The following DMXL1 variants were observed in gnomAD, a reference collection of about 807,000 sequenced individuals.
DMXL1 encodes the protein Dmx like 1.
DMXL1 carries 99 observed loss-of-function variants against 319.2 expected under a neutral mutation model. The ratio of observed to expected loss-of-function variants is 0.31; its 90% CI spans 0.26 to 0.37. The LOEUF (loss-of-function observed/expected upper bound fraction) is 0.37, where lower values mean the gene tolerates loss of function less well. Among genes scored for constraint, DMXL1 ranks in the 10% least tolerant of loss-of-function variants. The pLI, the probability that DMXL1 is intolerant of heterozygous loss-of-function variation, is 1.00. For synonymous variants in DMXL1, 1,385 were observed against 1,235.2 expected, an observed-to-expected ratio of 1.12 and a Z score of -2.54; for missense variants, 3,745 against 3,595.6, an observed-to-expected ratio of 1.04 and a Z score of -1.06.
Position 119,129,218 on chromosome 5 carries a change from ACTT to A in DMXL1, c.1115_1117del (p.Leu372del). The stretch of plus-strand genomic sequence containing the variant: ...CTTTTTTTTCTCTTATAGACATTCC[ACTT>A]CTTCCATCTATTACATCTCTGAGTC... On this transcript the variant is annotated inframe_deletion, in exon 10 of 44. Coordinates refer to ENST00000539542, the MANE Select transcript of DMXL1 (RefSeq NM_001290321.3). 6.2e-7 allele frequency: 1 copy of A among 1,603,464 alleles called. No individual in the cohort carries two copies. Among genetic ancestry groups the A allele is most frequent in the Non-Finnish European group, 8.5e-7 (1 of 1,174,526 alleles).
intron 38 of DMXL1, among the ~76,000 whole-genome samples, chr5:119,230,847 A>G (rs1453958541): frequency 6.6e-6 from 1 of 152,184 alleles, no homozygotes; most frequent in Non-Finnish European, 1.5e-5. Context: ...ACACGATTGC[A>G]CTCCAGCCTG....
chr5:119,131,969 T>G (rs1475773560), intron 10 of DMXL1, among the ~76,000 whole-genome samples: 1 of 152,228 alleles, frequency 6.6e-6, no homozygotes, highest in Non-Finnish European at 1.5e-5. Context: ...AAACATAATC[T>G]GAAGAAAAAT....
In DMXL1 at chr5:119,178,799, T is replaced by C. The variant is rs576717740; in HGVS notation, c.7135+555T>C. The C allele has an allele frequency of 6.8e-4, 192 of 282,954 alleles. 2 individuals carry two copies. Among genetic ancestry groups the C allele is most frequent in the Non-Finnish European group, 9.0e-4 (169 of 187,690 alleles). The allele number at this position is 282,954 out of a possible 1,614,324, so 17.5% of individuals were successfully genotyped here. ...TATTTTGTTTGGCATTTATAGAAAA[T>C]TGAGAAGTTTCCTTTGATCAAGCCA... On this transcript the variant is annotated intron_variant, in intron 28 of 43. Coordinates refer to ENST00000539542, the MANE Select transcript of DMXL1 (RefSeq NM_001290321.3).
At chr5:119,131,592 CT>C (rs2150039199) in intron 10 of DMXL1, among the ~76,000 whole-genome samples, 1 of 152,294 alleles carries the variant, frequency 6.6e-6, no homozygotes, top group Admixed American at 6.5e-5. Context: ...CCAATTCCTT[CT>C]TTTTACCATG....
chr5:119,201,528 G>GT (rs542065065), intron 32 of DMXL1, among the ~76,000 whole-genome samples: 2,078 of 151,578 alleles, frequency 0.014, 23 homozygotes, highest in Middle Eastern at 0.065. Flanking sequence ...TTGAAGTTTT[G>GT]TTTTTTTTGT....
At chr5:119,125,025 A>G (rs77524662) in intron 9 of DMXL1, among the ~76,000 whole-genome samples, 3,294 of 152,320 alleles carry the variant, frequency 0.022, 107 homozygotes, top group African/African-American at 0.075. Context: ...ATTATACTGT[A>G]TGACCTAGGA....
In DMXL1 at chr5:119,153,260, G is replaced by C. The variant is rs1163235847; in HGVS notation, c.4702+1224G>C. On this transcript the variant is annotated intron_variant, in intron 19 of 43. Coordinates refer to ENST00000539542, the MANE Select transcript of DMXL1 (RefSeq NM_001290321.3). ...CCAAAGTGCTGGGCATTATGGGCGT[G>C]AGCCATCTTGCCAGGCCAAATTCTC... is the stretch of plus-strand genomic sequence containing the variant. 2.0e-5 allele frequency among the ~76,000 whole-genome samples: 3 copies of C among 152,250 alleles called. No individual in the cohort carries two copies. In the East Asian group the frequency reaches 5.8e-4, roughly 29 times the overall value.
intron 19 of DMXL1, among the ~76,000 whole-genome samples, chr5:119,153,679 ATGACTGGCTTATTTCACT>A (rs1770344708): frequency 6.6e-6 from 1 of 152,194 alleles, no homozygotes; most frequent in Non-Finnish European, 1.5e-5. Flanking sequence ...ATATTTGTCT[ATGACTGGCTTATTTCACT>A]TACTGTAATG....
chr5:119,177,737 C>G (rs1776081731), intron 27 of DMXL1, among the ~76,000 whole-genome samples: 1 of 151,816 alleles, frequency 6.6e-6, no homozygotes, highest in South Asian at 2.1e-4. Flanking sequence ...ACTAGAAAAA[C>G]CCGTCTATGA....
In DMXL1 at chr5:119,149,521, G is replaced by A; in HGVS notation, c.3694G>A (p.Asp1232Asn). The change falls in exon 18 of 44, where the codon GAC becomes AAC. Residue 1232 changes from aspartate to asparagine, a missense_variant. Asp to Asn is a conservative substitution (Grantham distance 23). Coordinates refer to ENST00000539542, the MANE Select transcript of DMXL1 (RefSeq NM_001290321.3). ...GGATGGCATCCTTGTGGTAGGAATG[G>A]ACTGTGAAATGCATGTGTATTGCCA... is the stretch of plus-strand genomic sequence containing the variant. ...VRDGILVVGMDCEMHVYCQWQ... is the reference protein window; with the variant it reads ...VRDGILVVGMNCEMHVYCQWQ... 1 of 1,613,918 alleles carries A rather than the reference G, an allele frequency of 6.2e-7. No individual in the cohort carries two copies. The highest frequency in any genetic ancestry group is 8.5e-7 in the Non-Finnish European group (1 of 1,179,902).
chr5:119,236,959 T>G (rs1787867065), intron 39 of DMXL1: 1 of 152,668 alleles, frequency 6.6e-6, no homozygotes, highest in Admixed American at 6.6e-5. Flanking sequence ...TGAAAATCCT[T>G]ATTTTATCTT....
chr5:119,086,549 G>A (rs150051382), intron 1 of DMXL1, among the ~76,000 whole-genome samples: 1 of 152,148 alleles, frequency 6.6e-6, no homozygotes, highest in Admixed American at 6.5e-5. Context: ...TCAGGATAAT[G>A]CTGGTCTCAT....
At position 119,071,608 on chromosome 5, in the gene DMXL1, T is replaced by C. The variant is rs1298669165; in HGVS notation, c.39T>C (p.Pro13=). 1 of 1,604,862 alleles carries C rather than the reference T, an allele frequency of 6.2e-7. No individual in the cohort carries two copies. Among genetic ancestry groups the C allele is most frequent in the East Asian group, 2.3e-5 (1 of 44,394 alleles). Residue 13 remains proline, a synonymous_variant, in exon 1 of 44, where the codon CCT becomes CCC. Coordinates refer to ENST00000539542, the MANE Select transcript of DMXL1 (RefSeq NM_001290321.3). ...LHQVLTGAVN[P]GDHCFSVGSI... is the part of the protein sequence containing the mutation. ...AGGTGCTGACCGGGGCTGTGAACCC[T>C]GGCGACCACTGCTTCTCCGTGGGCA...
chr5:119,158,869 T>G (rs1210249795), intron 19 of DMXL1, among the ~76,000 whole-genome samples: 1 of 152,244 alleles, frequency 6.6e-6, no homozygotes, highest in Non-Finnish European at 1.5e-5. Context: ...TTTATTGTGC[T>G]GTTAATTTGG....
At chr5:119,097,621 G>A (rs564815087) in intron 1 of DMXL1, among the ~76,000 whole-genome samples, 22 of 152,304 alleles carry the variant, frequency 1.4e-4, no homozygotes, top group African/African-American at 4.8e-4. Context: ...GGAAATTGAG[G>A]CAGGAGAATG....
Position 119,203,423 on chromosome 5 carries a change from G to T in DMXL1, c.7850G>T (p.Arg2617Leu), listed in dbSNP as rs375258600. 6.3e-7 allele frequency: 1 copy of T among 1,596,398 alleles called. No homozygotes were observed. The highest frequency in any genetic ancestry group is 8.5e-7 in the Non-Finnish European group (1 of 1,170,554). ...TFIKNIFTKK[R>L]CLNESLEDNS... The stretch of plus-strand genomic sequence containing the variant: ...ATCAAAAATATATTCACAAAGAAAC[G>T]GTGTCTAAATGAGGTCTGTATAAGT... Residue 2617 changes from arginine to leucine, a missense_variant, in exon 33 of 44, where the codon CGG (arginine) becomes CTG (leucine). Coordinates refer to ENST00000539542, the MANE Select transcript of DMXL1 (RefSeq NM_001290321.3).
At chr5:119,128,972 G>A (rs1764208244) in intron 9 of DMXL1, among the ~76,000 whole-genome samples, 1 of 152,078 alleles carries the variant, frequency 6.6e-6, no homozygotes, top group Non-Finnish European at 1.5e-5. Flanking sequence ...GCTGAGGCAG[G>A]AGAATGGCTT....
At chr5:119,215,417 C>A (rs1374060164) in intron 34 of DMXL1, among the ~76,000 whole-genome samples, 1 of 152,126 alleles carries the variant, frequency 6.6e-6, no homozygotes, top group Non-Finnish European at 1.5e-5. Flanking sequence ...AAGTGATTCT[C>A]GTGCCTCAGC....
rs201458554 is a variant in DMXL1, at chr5:119,247,071, T to C, written c.8999T>C (p.Ile3000Thr). Residue 3000 changes from isoleucine to threonine, a missense_variant, in exon 44 of 44, where the codon ATT (isoleucine) becomes ACT (threonine). Around this residue, in one of 4 missense-constraint regions of DMXL1, gnomAD observed 262 missense variants for 320.5 expected, o/e 0.82. Coordinates refer to ENST00000539542, the MANE Select transcript of DMXL1 (RefSeq NM_001290321.3). The stretch of plus-strand genomic sequence containing the variant: ...GCTCGGCAGTCCATTTTTAGAAATA[T>C]TGGAACTGGAGTGATGCAAATTGAG... ...EHARQSIFRNIGTGVMQIETG... is the reference protein window; with the variant it reads ...EHARQSIFRNTGTGVMQIETG... The C allele has an allele frequency of 3.1e-6, 5 of 1,614,032 alleles. No homozygotes were observed. Among genetic ancestry groups the C allele is most frequent in the African/African-American group, 1.3e-5 (1 of 74,930 alleles).
Sources: allele counts gnomAD v4.1 joint callset (sites outside exome capture counted in the v4.1 genomes callset), GRCh38; gene constraint gnomAD v4.1.1; regional missense constraint gnomAD v4.1.1; transcripts MANE v1.5; gene names NCBI Gene and HGNC (gene_info 2026-07-23, HGNC 2026-07-21).